Variants in MAP4K5 observed in about 807,000 individuals in gnomAD.
MAP4K5 encodes MAPK/ERK kinase kinase kinase 5.
In MAP4K5, 82 loss-of-function variants were observed where a neutral mutation model predicts 135.6. The observed-to-expected ratio is 0.60, with a 90% CI of 0.51 to 0.73. The LOEUF is 0.73. Ranked by LOEUF, MAP4K5 falls within the 30% of genes least tolerant of loss-of-function variation. The pLI is 0.00. For synonymous variants in MAP4K5, 347 were observed against 335.0 expected (o/e 1.04, Z -0.39); for missense variants, 907 against 1,010.9 (o/e 0.90, Z 1.39).
intron 5 of MAP4K5, 44 bp from the exon 6 acceptor site, chr14:50,482,460 C>A: frequency 7.6e-7 from 1 of 1,317,340 alleles, no homozygotes; most frequent in Non-Finnish European, 1.0e-6. Flanking sequence ...TTAAACCTAA[C>A]ATTAGAAACA....
intron 30 of MAP4K5, among the ~76,000 whole-genome samples, chr14:50,426,377 C>T (rs1338632612): frequency 6.6e-6 from 1 of 152,114 alleles, no homozygotes; most frequent in Non-Finnish European, 1.5e-5. Flanking sequence ...TCAGAAGTAG[C>T]TTTAAACAAG....
intron 2 of MAP4K5, among the ~76,000 whole-genome samples, chr14:50,506,495 A>G (rs963439886): frequency 6.6e-6 from 1 of 152,140 alleles, no homozygotes; most frequent in Admixed American, 6.6e-5. Context: ...AGTGGCTGAG[A>G]CTACAGACAC....
At chr14:50,513,301 T>C (rs895309692) in intron 2 of MAP4K5, among the ~76,000 whole-genome samples, 6 of 152,168 alleles carry the variant, frequency 3.9e-5, no homozygotes, top group African/African-American at 1.4e-4. Flanking sequence ...TCAATCTTAC[T>C]AATAGTAAAA....
chr14:50,512,764 C>G (rs2037956009), intron 2 of MAP4K5, among the ~76,000 whole-genome samples: 1 of 152,138 alleles, frequency 6.6e-6, no homozygotes, highest in Non-Finnish European at 1.5e-5. Flanking sequence ...AGAAATTTAA[C>G]TATACAAATT....
intron 2 of MAP4K5, among the ~76,000 whole-genome samples, chr14:50,511,582 A>C (rs1337369189): frequency 6.6e-6 from 1 of 152,142 alleles, no homozygotes; most frequent in Non-Finnish European, 1.5e-5. Context: ...AACACAAAGA[A>C]AGGATAATGT....
At chr14:50,459,189 T>C (rs1265339451) in intron 13 of MAP4K5, among the ~76,000 whole-genome samples, 2 of 152,204 alleles carry the variant, frequency 1.3e-5, no homozygotes, top group African/African-American at 4.8e-5. Flanking sequence ...GACTTTTCCA[T>C]TTGGAAGTTC....
chr14:50,541,815 T>C (rs535149987), intron 2 of MAP4K5, among the ~76,000 whole-genome samples: 33 of 151,780 alleles, frequency 2.2e-4, no homozygotes, highest in African/African-American at 7.7e-4. Flanking sequence ...GGTCAGGAGA[T>C]TGAGATCACG....
chr14:50,434,272 G>T (rs1390720495), intron 28 of MAP4K5, 122 bp downstream of exon 28: 1 of 693,232 alleles, frequency 1.4e-6, no homozygotes, highest in Non-Finnish European at 2.4e-6. Context: ...GCTTACTTGG[G>T]AAACTATGTT....
intron 5 of MAP4K5, chr14:50,482,999 C>G (rs369827536): frequency 6.6e-6 from 1 of 152,460 alleles, no homozygotes; most frequent in East Asian, 1.9e-4. Context: ...CACTCATGTG[C>G]AAAGCATAGT....
chr14:50,527,380 A>G (rs1446459358), intron 2 of MAP4K5, among the ~76,000 whole-genome samples: 1 of 151,622 alleles, frequency 6.6e-6, no homozygotes, highest in Non-Finnish European at 1.5e-5. Context: ...ACTGCACTCT[A>G]GCCTGGGCAA....
chr14:50,490,490 G>A (rs566439461), intron 3 of MAP4K5, among the ~76,000 whole-genome samples: 7 of 152,232 alleles, frequency 4.6e-5, no homozygotes, highest in African/African-American at 1.7e-4. Flanking sequence ...AACCACTAGA[G>A]CAATGATCAC....
chr14:50,462,928 T>C (rs1189004758), intron 12 of MAP4K5, 147 bp from the exon 13 acceptor site: 4 of 561,698 alleles, frequency 7.1e-6, no homozygotes, highest in East Asian at 3.2e-5. Context: ...AGTAAAAATA[T>C]TAATCAGAGA....
intron 1 of MAP4K5, chr14:50,542,729 T>C (rs891376346): frequency 6.6e-6 from 1 of 152,196 alleles, no homozygotes; most frequent in Non-Finnish European, 1.5e-5. Context: ...GGTTTATTAA[T>C]GGTCTGCATA....
intron 1 of MAP4K5, among the ~76,000 whole-genome samples, chr14:50,554,140 C>A (rs577302784): frequency 1.3e-5 from 2 of 151,578 alleles, no homozygotes; most frequent in African/African-American, 4.9e-5. Flanking sequence ...AAAACCAATA[C>A]GTACCCTTAG....
In MAP4K5 at chr14:50,434,492, C is replaced by T; in HGVS notation, c.2066G>A (p.Cys689Tyr). 1.9e-6 allele frequency: 3 copies of T among 1,607,872 alleles called. No individual in the cohort carries two copies. The highest frequency in any genetic ancestry group is 2.5e-6 in the Non-Finnish European group (3 of 1,176,978). ...VIPEQEYPMV[C>Y]VAISKGTESN... ...TTCAGTGCCTTTGCTAATAGCTACA[C>T]AGACCATAGGGTATTCCTGTTCAGG... The change falls in exon 28 of 33, where the codon TGT becomes TAT. Residue 689 changes from cysteine (C) to tyrosine (Y), a missense_variant. Physicochemically the swap from Cys to Tyr is radical, Grantham distance 194 (BLOSUM62 -2). Coordinates refer to ENST00000682126, the MANE Select transcript of MAP4K5 (RefSeq NM_006575.6).
At chr14:50,440,223 G>T in intron 22 of MAP4K5, 139 bp downstream of exon 22, 1 of 774,538 alleles carries the variant, frequency 1.3e-6, no homozygotes, top group Non-Finnish European at 2.0e-6. Context: ...ACATGAACAT[G>T]CAAAGAGTAC....
intron 2 of MAP4K5, among the ~76,000 whole-genome samples, chr14:50,505,533 A>G (rs2037792248): frequency 6.6e-6 from 1 of 152,186 alleles, no homozygotes; most frequent in South Asian, 2.1e-4. Flanking sequence ...ACTATTTACT[A>G]TTTAACACAA....
At chr14:50,430,324 C>T (rs1475575844) in intron 28 of MAP4K5, among the ~76,000 whole-genome samples, 1 of 152,162 alleles carries the variant, frequency 6.6e-6, no homozygotes, top group Non-Finnish European at 1.5e-5. Flanking sequence ...AACTTGGTGA[C>T]CACTAATTTT....
At position 50,514,969 on chromosome 14, in the gene MAP4K5, T is replaced by C. The variant is rs2038004548; in HGVS notation, c.109-10112A>G. The stretch of plus-strand genomic sequence containing the variant: ...CCCAGGCTGGAGTACAGTGGCGTAA[T>C]CTTGGCTCACTGCAGCCTCTGCCTC... On this transcript the variant is annotated intron_variant, in intron 2 of 32. Coordinates refer to ENST00000682126, the MANE Select transcript of MAP4K5 (RefSeq NM_006575.6). 2.6e-5 allele frequency among the ~76,000 whole-genome samples: 4 copies of C among 151,808 alleles called. No individual in the cohort carries two copies. In the South Asian group the frequency reaches 8.4e-4, roughly 32 times the overall value.
Sources: allele counts gnomAD v4.1 joint callset (sites outside exome capture counted in the v4.1 genomes callset), GRCh38; gene constraint gnomAD v4.1.1; transcripts MANE v1.5; gene names NCBI Gene and HGNC (gene_info 2026-07-23, HGNC 2026-07-21).